SYNDIG1: variants seen among roughly 807,000 people sequenced by gnomAD.
The protein encoded by SYNDIG1 is synapse differentiation inducing 1.
In SYNDIG1, 9 loss-of-function variants were observed where a neutral mutation model predicts 19.4. That is an observed-to-expected ratio of 0.46 (90% CI 0.28 to 0.81). The LOEUF is 0.81. Among genes scored for constraint, SYNDIG1 ranks in the 30% least tolerant of loss-of-function variants. SYNDIG1 has a pLI of 0.12. For synonymous variants in SYNDIG1, 141 were observed against 145.9 expected, an observed-to-expected ratio of 0.97 and a Z score of 0.24; for missense variants, 311 against 343.3, an observed-to-expected ratio of 0.91 and a Z score of 0.74.
chr20:24,493,196 C>T (rs952238825), intron 1 of SYNDIG1, among the ~76,000 whole-genome samples: 6 of 152,266 alleles, frequency 3.9e-5, no homozygotes, highest in Non-Finnish European at 8.8e-5. Flanking sequence ...CCAATTAGCA[C>T]ATACTTATAA....
chr20:24,545,987 A>G (rs1199632614), intron 2 of SYNDIG1, among the ~76,000 whole-genome samples: 1 of 152,134 alleles, frequency 6.6e-6, no homozygotes, highest in African/African-American at 2.4e-5. Context: ...GCTTCCAAGG[A>G]GCTCACCTGG....
intron 1 of SYNDIG1, among the ~76,000 whole-genome samples, chr20:24,528,468 A>G (rs1295702602): frequency 6.6e-6 from 1 of 152,194 alleles, no homozygotes; most frequent in Non-Finnish European, 1.5e-5. Context: ...GAAGGCCGGG[A>G]AGTCCAACAT....
intron 3 of SYNDIG1, among the ~76,000 whole-genome samples, chr20:24,656,738 C>T (rs2059529397): frequency 6.6e-6 from 1 of 152,254 alleles, no homozygotes; most frequent in Admixed American, 6.5e-5. Flanking sequence ...GTGCCAGCCC[C>T]GCAGCCCCCT....
At chr20:24,566,135 G>A (rs927316619) in intron 2 of SYNDIG1, among the ~76,000 whole-genome samples, 2 of 152,110 alleles carry the variant, frequency 1.3e-5, no homozygotes, top group Non-Finnish European at 1.5e-5. Context: ...GGGAATCTCA[G>A]CCTGACCTGG....
At chr20:24,534,246 A>C (rs1428309137) in intron 1 of SYNDIG1, among the ~76,000 whole-genome samples, 1 of 152,108 alleles carries the variant, frequency 6.6e-6, no homozygotes, top group Admixed American at 6.5e-5. Flanking sequence ...CTTTGTCATC[A>C]TCCCTTTCCC....
chr20:24,560,889 T>G (rs986093950), intron 2 of SYNDIG1, among the ~76,000 whole-genome samples: 37 of 148,358 alleles, frequency 2.5e-4, no homozygotes, highest in African/African-American at 8.4e-4. Context: ...AAAAAAAAAG[T>G]GTTGTTTTGG....
rs1315113684 is a variant in SYNDIG1 at position 24,505,421 on chromosome 20, C to G, written c.-79+35668C>G. Among the ~76,000 whole-genome samples the G allele has an allele frequency of 2.6e-5, 4 of 152,256 alleles. No individual in the cohort carries two copies. In the East Asian group the frequency reaches 7.7e-4, roughly 29 times the overall value. On this transcript the variant is annotated intron_variant, in intron 1 of 3. Coordinates refer to ENST00000376862, the MANE Select transcript of SYNDIG1 (RefSeq NM_024893.3). ...CCCCTCAGCGGGGAAGAGGGGGGCT[C>G]AGAGTGGCTCCTACATATCCAAACC...
At chr20:24,514,602 C>G (rs1039956096) in intron 1 of SYNDIG1, among the ~76,000 whole-genome samples, 1 of 152,156 alleles carries the variant, frequency 6.6e-6, no homozygotes, top group African/African-American at 2.4e-5. Flanking sequence ...GCACCCAATA[C>G]AGGAGCACCC....
chr20:24,608,817 T>A (rs1375539062), intron 3 of SYNDIG1, among the ~76,000 whole-genome samples: 1 of 152,146 alleles, frequency 6.6e-6, no homozygotes, highest in East Asian at 1.9e-4. Context: ...ATTGATAATA[T>A]AAGCTCAGTT....
intron 3 of SYNDIG1, among the ~76,000 whole-genome samples, chr20:24,654,106 G>T (rs764618777): frequency 1.3e-5 from 2 of 152,170 alleles, no homozygotes; most frequent in Non-Finnish European, 2.9e-5. Flanking sequence ...AAATCTGAAA[G>T]ACAGCTTGCA....
chr20:24,507,222 T>TC (rs1472212926), intron 1 of SYNDIG1, among the ~76,000 whole-genome samples: 2 of 151,722 alleles, frequency 1.3e-5, no homozygotes, highest in African/African-American at 4.8e-5. Flanking sequence ...GGCTCTGACC[T>TC]CCCCCCACAG....
At position 24,537,426 on chromosome 20, in the gene SYNDIG1, A is replaced by G. The variant is rs555204175; in HGVS notation, c.-78-5594A>G. Among the ~76,000 whole-genome samples, 347 of 150,626 alleles carry G rather than the reference A, an allele frequency of 2.3e-3. 1 individual carries two copies. Among genetic ancestry groups the G allele is most frequent in the African/African-American group, 8.3e-3 (339 of 40,788 alleles). On this transcript the variant is annotated intron_variant, in intron 1 of 3. Coordinates refer to ENST00000376862, the MANE Select transcript of SYNDIG1 (RefSeq NM_024893.3). ...GTTTTCTCAGTATGGTATACAGCACACCTTCATTCATCACTCCTGCTGCCA... is the reference window on the plus strand; with the variant it reads ...GTTTTCTCAGTATGGTATACAGCACGCCTTCATTCATCACTCCTGCTGCCA...
chr20:24,590,726 G>T (rs1195688740), intron 3 of SYNDIG1, among the ~76,000 whole-genome samples: 1 of 152,174 alleles, frequency 6.6e-6, no homozygotes, highest in Non-Finnish European at 1.5e-5. Context: ...GGAGCTGTCG[G>T]CCTCTGCGTG....
chr20:24,493,376 A>G (rs2056209414), intron 1 of SYNDIG1, among the ~76,000 whole-genome samples: 1 of 151,350 alleles, frequency 6.6e-6, no homozygotes, highest in African/African-American at 2.5e-5. Flanking sequence ...GCACACACAC[A>G]TGTGGACACA....
chr20:24,665,213 G>C lies in SYNDIG1; in HGVS notation c.619-133G>C, dbSNP rs2059636681. 4.5e-6 allele frequency: 5 copies of C among 1,120,922 alleles called. No individual in the cohort carries two copies. In the Admixed American group the frequency reaches 7.2e-5, roughly 16 times the overall value. 69.4% of individuals were successfully genotyped at this position (1,120,922 alleles called of 1,614,324 possible). A position where few individuals can be genotyped will look rare whatever the true frequency, so the allele number is the denominator to read the frequency against. ...ACTGCCCTGGTCATAGCAGGGGTGA[G>C]CACAGTTTCCCCCTCAGCCTTCTCT... On this transcript the variant is annotated intron_variant, in intron 3 of 3. Coordinates refer to ENST00000376862, the MANE Select transcript of SYNDIG1 (RefSeq NM_024893.3).
At chr20:24,586,183 C>T (rs767318479) in intron 3 of SYNDIG1, among the ~76,000 whole-genome samples, 1 of 152,170 alleles carries the variant, frequency 6.6e-6, no homozygotes, top group Non-Finnish European at 1.5e-5. Context: ...CCTGACAGGG[C>T]ACAAGAAGTT....
chr20:24,655,566 G>C (rs909032030), intron 3 of SYNDIG1, among the ~76,000 whole-genome samples: 2 of 152,234 alleles, frequency 1.3e-5, no homozygotes, highest in African/African-American at 4.8e-5. Flanking sequence ...CTTTGGGAAA[G>C]AGCCTCAGAG....
Position 24,546,345 on chromosome 20 carries a change from C to G in SYNDIG1, c.480+2768C>G, listed in dbSNP as rs528068574. The stretch of plus-strand genomic sequence containing the variant: ...CATTTGCTGCATAACAAATCACCCC[C>G]AAAACACAGTGCCTTAACAACTCTT... On this transcript the variant is annotated intron_variant, in intron 2 of 3. Transcript: ENST00000376862. Among the ~76,000 whole-genome samples, 8 of 151,710 alleles carry G rather than the reference C, an allele frequency of 5.3e-5. No homozygotes were observed. The South Asian group carries it at 1.5e-3, about 28-fold the overall frequency.
At chr20:24,557,730 C>T (rs2057852720) in intron 2 of SYNDIG1, among the ~76,000 whole-genome samples, 1 of 152,138 alleles carries the variant, frequency 6.6e-6, no homozygotes, top group South Asian at 2.1e-4. Flanking sequence ...GGGGTGCCTC[C>T]CAGTTAGGCT....
Sources: gnomAD v4.1 joint callset for allele counts (sites outside exome capture counted in the v4.1 genomes callset) on GRCh38, gnomAD v4.1.1 for gene constraint, MANE v1.5 for transcripts, NCBI Gene and HGNC (gene_info 2026-07-23, HGNC 2026-07-21) for gene names.